Variants in RASGRF2 observed in about 807,000 individuals in gnomAD.
RASGRF2 encodes the protein Ras protein specific guanine nucleotide releasing factor 2.
A neutral mutation model predicts 151.0 loss-of-function variants in RASGRF2; 76 were observed. The observed-to-expected ratio is 0.50, with a 90% CI of 0.42 to 0.61. RASGRF2 has a LOEUF of 0.61. Ranked by LOEUF, RASGRF2 falls within the 20% of genes least tolerant of loss-of-function variation. The pLI, the probability that RASGRF2 is intolerant of heterozygous loss-of-function variation, is 0.00. For missense variants in RASGRF2, 1,148 were observed against 1,564.6 expected, an observed-to-expected ratio of 0.73 and a Z score of 4.49; for synonymous variants, 504 against 566.5, an observed-to-expected ratio of 0.89 and a Z score of 1.57.
chr5:80,974,005 G>A (rs2112417), intron 1 of RASGRF2, among the ~76,000 whole-genome samples: 24,374 of 152,210 alleles, frequency 0.16, 2,499 homozygotes, highest in East Asian at 0.35. Flanking sequence ...GCCAGGAGCA[G>A]TAGTGGGTAA....
At chr5:81,155,237 C>A (rs1754233261) in intron 17 of RASGRF2, among the ~76,000 whole-genome samples, 1 of 152,008 alleles carries the variant, frequency 6.6e-6, no homozygotes, top group South Asian at 2.1e-4. Flanking sequence ...ATTTAAGTTT[C>A]CACCCTCAGA....
chr5:80,986,793 A>C (rs1265093737), intron 1 of RASGRF2, among the ~76,000 whole-genome samples: 1 of 152,176 alleles, frequency 6.6e-6, no homozygotes, highest in African/African-American at 2.4e-5. Flanking sequence ...CCTCCTTTCC[A>C]ATTCATTCTC....
intron 17 of RASGRF2, among the ~76,000 whole-genome samples, chr5:81,174,968 G>A (rs975218251): frequency 1.4e-4 from 22 of 152,178 alleles, no homozygotes; most frequent in Admixed American, 1.4e-3. Flanking sequence ...TTTAAGTGTT[G>A]GTTTACTAAC....
rs1290057363 is a variant in RASGRF2 at position 81,227,538 on chromosome 5, C to T, written c.*1768C>T. The T allele has an allele frequency of 1.3e-5, 2 of 152,162 alleles. No individual in the cohort carries two copies. The highest frequency in any genetic ancestry group is 2.9e-5 in the Non-Finnish European group (2 of 68,024). 9.4% of individuals were successfully genotyped at this position (152,162 alleles called of 1,614,324 possible). ...AATAAGAGGTTGACGCATCTTGATG[C>T]ATGATGAGAAGCATGGGCTGTTTGG... On this transcript the variant is annotated 3_prime_UTR_variant, in exon 27 of 27. Transcript: ENST00000265080.
chr5:81,072,327 A>AACAT (rs1751801511), intron 4 of RASGRF2, among the ~76,000 whole-genome samples: 1 of 152,196 alleles, frequency 6.6e-6, no homozygotes, highest in African/African-American at 2.4e-5. Context: ...AAAAACTGAT[A>AACAT]ACATGGTGAC....
At chr5:81,217,531 G>A in intron 25 of RASGRF2, 58 bp downstream of exon 25, 2 of 1,232,646 alleles carry the variant, frequency 1.6e-6, no homozygotes, top group Non-Finnish European at 2.2e-6. Context: ...ATAGAGAAGA[G>A]GCTAAGTAAT....
intron 1 of RASGRF2, among the ~76,000 whole-genome samples, chr5:80,969,805 ACTT>A (rs1177860923): frequency 0.014 from 1,796 of 124,196 alleles, 25 homozygotes; most frequent in African/African-American, 0.024. Flanking sequence ...TGCCAATAAT[ACTT>A]CTTCTTCTTT....
At chr5:81,203,748 T>G (rs1755445954) in intron 19 of RASGRF2, among the ~76,000 whole-genome samples, 2 of 152,266 alleles carry the variant, frequency 1.3e-5, no homozygotes, top group Non-Finnish European at 2.9e-5. Context: ...AGCTACTTCA[T>G]TAGGTTGTTG....
chr5:80,989,172 T>A (rs192319787), intron 1 of RASGRF2, among the ~76,000 whole-genome samples: 1 of 152,260 alleles, frequency 6.6e-6, no homozygotes, highest in East Asian at 1.9e-4. Context: ...GGTTTCTCCA[T>A]GTTGGCCAGG....
rs145417245 is a variant in RASGRF2 at position 81,009,526 on chromosome 5, T to C, written c.289-33351T>C. Among the ~76,000 whole-genome samples, 870 of 152,294 alleles carry C rather than the reference T, an allele frequency of 5.7e-3. 11 individuals are homozygous for C. Among genetic ancestry groups the C allele is most frequent in the Middle Eastern group, 0.014 (4 of 294 alleles). ...GGAGCAAATATCCCTAAAGCAAGTC[T>C]AAAAACAAACTTCCATAAACCAAGT... On this transcript the variant is annotated intron_variant, in intron 1 of 26. Coordinates refer to ENST00000265080, the MANE Select transcript of RASGRF2 (RefSeq NM_006909.3).
intron 2 of RASGRF2, among the ~76,000 whole-genome samples, chr5:81,045,687 T>C (rs1452722558): frequency 2.4e-5 from 3 of 126,990 alleles, no homozygotes; most frequent in Admixed American, 1.6e-4. Context: ...GGTTCTTTGA[T>C]AATTTCTTTT....
intron 12 of RASGRF2, among the ~76,000 whole-genome samples, chr5:81,103,968 A>G (rs185387273): frequency 6.6e-6 from 1 of 151,696 alleles, no homozygotes; most frequent in Admixed American, 6.5e-5. Context: ...AAGCATCTAT[A>G]TAAAAAATTT....
chr5:81,206,693 T>C, intron 19 of RASGRF2, 152 bp from the exon 20 acceptor site: 1 of 657,334 alleles, frequency 1.5e-6, no homozygotes, highest in South Asian at 1.8e-5. Context: ...TGGGGATTGC[T>C]CATCTCCAGC....
intron 22 of RASGRF2, among the ~76,000 whole-genome samples, 170 bp downstream of exon 22, chr5:81,208,608 A>G (rs1432560774): frequency 5.9e-5 from 8 of 136,184 alleles, no homozygotes; most frequent in Non-Finnish European, 9.1e-5. Flanking sequence ...CTGGAGTGCA[A>G]TGGCGTGATC....
At chr5:80,969,501 T>C (rs1162352549) in intron 1 of RASGRF2, among the ~76,000 whole-genome samples, 12 of 150,314 alleles carry the variant, frequency 8.0e-5, no homozygotes, top group South Asian at 4.2e-4. Context: ...CACGCTGGAG[T>C]GCAGTGGCGC....
chr5:81,062,018 A>AG (rs1751457044), intron 2 of RASGRF2, among the ~76,000 whole-genome samples: 1 of 136,748 alleles, frequency 7.3e-6, no homozygotes, highest in Non-Finnish European at 1.6e-5. Flanking sequence ...AAAAAAAAAA[A>AG]AAAAAACTGT....
At position 80,960,732 on chromosome 5, in the gene RASGRF2, C is replaced by G. The variant is rs955513156; in HGVS notation, c.-7C>G. 6.4e-7 allele frequency: 1 copy of G among 1,559,468 alleles called. No individual in the cohort carries two copies. Among genetic ancestry groups the G allele is most frequent in the Non-Finnish European group, 8.7e-7 (1 of 1,147,816 alleles). ...GCGGCCACCCGTGAGCCCTCCGCAC[C>G]CGCACCATGCAGAAGAGCGTGCGCT... On this transcript the variant is annotated 5_prime_UTR_variant, in exon 1 of 27. Transcript: ENST00000265080. This position sits in a 1 kb window ranked among gnomAD's most constrained non-coding sequence, Gnocchi z 5.5.
At chr5:80,976,049 G>C (rs1748102798) in intron 1 of RASGRF2, among the ~76,000 whole-genome samples, 1 of 152,022 alleles carries the variant, frequency 6.6e-6, no homozygotes, top group Admixed American at 6.5e-5. Context: ...TCTCCATGTT[G>C]GTCAGGCTGG....
chr5:80,991,252 A>G (rs1748640757), intron 1 of RASGRF2, among the ~76,000 whole-genome samples: 1 of 152,098 alleles, frequency 6.6e-6, no homozygotes, highest in Non-Finnish European at 1.5e-5. Context: ...TAAGCCCAGG[A>G]GGTTGAGACC....
Sources: gnomAD v4.1 joint callset for allele counts (sites outside exome capture counted in the v4.1 genomes callset) on GRCh38, gnomAD v4.1.1 for gene constraint, Gnocchi (gnomAD v3.1) non-coding constraint, MANE v1.5 for transcripts, NCBI Gene and HGNC (gene_info 2026-07-23, HGNC 2026-07-21) for gene names.